The following TAFA1 variants were observed in gnomAD, a reference collection of about 807,000 sequenced individuals.
The protein encoded by TAFA1 is chemokine-like protein TAFA-1.
In TAFA1, 4 loss-of-function variants were observed where a neutral mutation model predicts 18.5. The observed-to-expected ratio is 0.22, with a 90% CI of 0.11 to 0.49. The LOEUF (loss-of-function observed/expected upper bound fraction) is 0.49, where lower values mean the gene tolerates loss of function less well. Among genes scored for constraint, TAFA1 ranks in the 20% least tolerant of loss-of-function variants. TAFA1 has a pLI of 0.98. For missense variants in TAFA1, 147 were observed against 169.0 expected, an observed-to-expected ratio of 0.87 and a Z score of 0.72; for synonymous variants, 56 against 55.2, an observed-to-expected ratio of 1.01 and a Z score of -0.06.
intron 2 of TAFA1, among the ~76,000 whole-genome samples, chr3:68,169,296 T>C (rs1453133567): frequency 1.3e-5 from 2 of 152,156 alleles, no homozygotes; most frequent in African/African-American, 4.8e-5. Flanking sequence ...CCTTTGATGA[T>C]ACCCAAGTTG....
chr3:68,153,247 T>C (rs564597702), intron 2 of TAFA1, among the ~76,000 whole-genome samples: 96 of 152,274 alleles, frequency 6.3e-4, no homozygotes, highest in African/African-American at 2.1e-3. Context: ...ATAGATCCAA[T>C]AGCAAACTAT....
intron 2 of TAFA1, among the ~76,000 whole-genome samples, chr3:68,384,879 T>A (rs2070058171): frequency 6.6e-6 from 1 of 152,056 alleles, no homozygotes; most frequent in African/African-American, 2.4e-5. Flanking sequence ...TTTAGGATAC[T>A]TAGGTCTTGT....
intron 2 of TAFA1, among the ~76,000 whole-genome samples, chr3:68,327,302 T>C (rs1365962025): frequency 6.6e-6 from 1 of 152,220 alleles, no homozygotes; most frequent in Non-Finnish European, 1.5e-5. Flanking sequence ...TTCTCAGATG[T>C]ATTTGGATAT....
At chr3:68,280,977 T>C (rs1482766781) in intron 2 of TAFA1, among the ~76,000 whole-genome samples, 1 of 152,202 alleles carries the variant, frequency 6.6e-6, no homozygotes, top group African/African-American at 2.4e-5. Context: ...TTTAGAGAAT[T>C]AAATGAGATA....
chr3:67,993,308 C>G, the TAFA1 span, among the ~76,000 whole-genome samples: 1 of 152,192 alleles, frequency 6.6e-6, no homozygotes, highest in Non-Finnish European at 1.5e-5. Flanking sequence ...GAAGGAGACT[C>G]TTAAGTTTCT....
chr3:68,515,671 T>C (rs1164490804), intron 3 of TAFA1, among the ~76,000 whole-genome samples: 5 of 152,162 alleles, frequency 3.3e-5, no homozygotes, highest in Non-Finnish European at 7.3e-5. Flanking sequence ...AAATGTGGGG[T>C]CCATAAAAGC....
At chr3:68,415,158 G>A (rs1481588154) in intron 2 of TAFA1, among the ~76,000 whole-genome samples, 3 of 152,104 alleles carry the variant, frequency 2.0e-5, no homozygotes, top group Admixed American at 6.5e-5. Context: ...TGTTTTGCAC[G>A]AGCCATTTAT....
At chr3:68,269,644 A>T (rs778652211) in intron 2 of TAFA1, among the ~76,000 whole-genome samples, 1 of 151,758 alleles carries the variant, frequency 6.6e-6, no homozygotes, top group South Asian at 2.1e-4. Context: ...ACTTTTGGCC[A>T]GGAGTGATGG....
intron 2 of TAFA1, among the ~76,000 whole-genome samples, chr3:68,015,905 A>G (rs1187843050): frequency 1.3e-5 from 2 of 152,198 alleles, no homozygotes; most frequent in East Asian, 3.9e-4. Flanking sequence ...TCCTTAATTC[A>G]GTATTCTTTA....
At chr3:68,235,946 A>G (rs1262655808) in intron 2 of TAFA1, among the ~76,000 whole-genome samples, 1 of 152,196 alleles carries the variant, frequency 6.6e-6, no homozygotes, top group Non-Finnish European at 1.5e-5. Context: ...AATGAGCACC[A>G]TTCTAGACTT....
intron 2 of TAFA1, among the ~76,000 whole-genome samples, chr3:68,333,360 T>C (rs1000708034): frequency 3.3e-5 from 5 of 152,190 alleles, no homozygotes; most frequent in African/African-American, 9.7e-5. Flanking sequence ...GTAGAGACCT[T>C]TATCTTAAGC....
rs184731890 is a variant in TAFA1 at position 68,209,915 on chromosome 3, A to T, written c.118+203171A>T. 4.3e-4 allele frequency among the ~76,000 whole-genome samples: 65 copies of T among 152,086 alleles called. 1 individual carries two copies. The highest frequency in any genetic ancestry group is 1.5e-3 in the African/African-American group (64 of 41,530). ...TAGATGTGGAGCCCGTAGTAGCTGAAATTGTGGGCCTATATTTTAAACTCA... is the reference window on the plus strand; with the variant it reads ...TAGATGTGGAGCCCGTAGTAGCTGATATTGTGGGCCTATATTTTAAACTCA... On this transcript the variant is annotated intron_variant, in intron 2 of 4. Coordinates refer to ENST00000478136, the MANE Select transcript of TAFA1 (RefSeq NM_213609.4).
At chr3:68,314,543 T>C (rs2068575255) in intron 2 of TAFA1, among the ~76,000 whole-genome samples, 1 of 152,220 alleles carries the variant, frequency 6.6e-6, no homozygotes, top group Non-Finnish European at 1.5e-5. Flanking sequence ...GGGATTGCTT[T>C]TTGACAAAGT....
At chr3:68,160,648 C>G (rs2065914401) in intron 2 of TAFA1, among the ~76,000 whole-genome samples, 1 of 152,188 alleles carries the variant, frequency 6.6e-6, no homozygotes, top group Non-Finnish European at 1.5e-5. Flanking sequence ...GCACCTAGCA[C>G]TTAATCAATT....
At chr3:68,335,388 T>G (rs925893958) in intron 2 of TAFA1, among the ~76,000 whole-genome samples, 3 of 152,210 alleles carry the variant, frequency 2.0e-5, no homozygotes, top group African/African-American at 7.2e-5. Flanking sequence ...CTGCCCATTT[T>G]TCCCTCTGGG....
intron 2 of TAFA1, among the ~76,000 whole-genome samples, chr3:68,084,116 G>A (rs943440074): frequency 2.6e-5 from 4 of 152,146 alleles, no homozygotes; most frequent in Non-Finnish European, 4.4e-5. Context: ...GACCAAACAC[G>A]TGATGTGATG....
chr3:68,278,563 C>T (rs1575741109), intron 2 of TAFA1, among the ~76,000 whole-genome samples: 1 of 152,136 alleles, frequency 6.6e-6, no homozygotes, highest in African/African-American at 2.4e-5. Context: ...AGCCATGCAT[C>T]AAGTTTTCTG....
chr3:68,338,505 C>T (rs2069015730), intron 2 of TAFA1, among the ~76,000 whole-genome samples: 1 of 152,098 alleles, frequency 6.6e-6, no homozygotes, highest in Non-Finnish European at 1.5e-5. Flanking sequence ...TTATTATGTG[C>T]CATATTCTGT....
At chr3:68,531,016 C>CAACAAAACAA (rs59861876) in intron 3 of TAFA1, among the ~76,000 whole-genome samples, 50,318 of 147,412 alleles carry the variant, frequency 0.34, 9,074 homozygotes, top group Non-Finnish European at 0.4. Context: ...TTAACAACAA[C>CAACAAAACAA]AACAAAACAA....
Sources: allele counts gnomAD v4.1 joint callset (sites outside exome capture counted in the v4.1 genomes callset), GRCh38; gene constraint gnomAD v4.1.1; transcripts MANE v1.5; gene names NCBI Gene and HGNC (gene_info 2026-07-23, HGNC 2026-07-21).